Variants in DCC observed in about 807,000 individuals in gnomAD.
DCC encodes the protein DCC netrin 1 receptor.
DCC carries 58 observed loss-of-function variants against 172.5 expected under a neutral mutation model. The ratio of observed to expected loss-of-function variants is 0.34; its 90% confidence interval spans 0.27 to 0.42. The LOEUF (loss-of-function observed/expected upper bound fraction) is 0.42, where lower values mean the gene tolerates loss of function less well. DCC is among the 10% of genes least tolerant of loss of function. The pLI, the probability that DCC is intolerant of heterozygous loss-of-function variation, is 1.00. For synonymous variants in DCC, 709 were observed against 644.5 expected, an observed-to-expected ratio of 1.10 and a Z score of -1.52; for missense variants, 1,740 against 1,791.0, an observed-to-expected ratio of 0.97 and a Z score of 0.51.
chr18:53,274,029 A>G (rs1349484546), intron 12 of DCC, among the ~76,000 whole-genome samples: 2 of 152,140 alleles, frequency 1.3e-5, no homozygotes, highest in Non-Finnish European at 2.9e-5. Flanking sequence ...GCAGCAAGAT[A>G]CATTTAAAAG....
chr18:53,255,694 G>T (rs1353455235), intron 12 of DCC, among the ~76,000 whole-genome samples: 1 of 152,026 alleles, frequency 6.6e-6, no homozygotes, highest in Non-Finnish European at 1.5e-5. Context: ...TGTCTTTATA[G>T]CAGCATGTTT....
intron 1 of DCC, among the ~76,000 whole-genome samples, chr18:52,649,181 G>A (rs985209586): frequency 3.3e-5 from 5 of 152,066 alleles, no homozygotes; most frequent in African/African-American, 1.2e-4. Flanking sequence ...AGACCATACT[G>A]GCTAACACGG....
Position 52,802,636 on chromosome 18 carries a change from G to A in DCC, c.412+50262G>A, listed in dbSNP as rs369121078. On this transcript the variant is annotated intron_variant, in intron 2 of 28. Transcript: ENST00000442544. ...CGGAACCACAGGTACACATCACCAC[G>A]CCAAGCCTTTTTTTTTTTTTTTTTT... is the stretch of plus-strand genomic sequence containing the variant. 2.8e-4 allele frequency among the ~76,000 whole-genome samples: 27 copies of A among 96,278 alleles called. No individual in the cohort carries two copies. The East Asian group carries it at 7.7e-3, about 28-fold the overall frequency. The allele number at this position is 96,278 out of a possible 152,430, so 63.2% of individuals were successfully genotyped here.
chr18:53,425,043 A>T (rs1026517143), intron 21 of DCC, among the ~76,000 whole-genome samples: 2 of 151,864 alleles, frequency 1.3e-5, no homozygotes, highest in African/African-American at 2.4e-5. Context: ...AGAGAAAAGG[A>T]TGATGGGATG....
intron 12 of DCC, among the ~76,000 whole-genome samples, chr18:53,289,930 A>G (rs1444610202): frequency 6.6e-6 from 1 of 152,214 alleles, no homozygotes; most frequent in Non-Finnish European, 1.5e-5. Context: ...AATGGATTTT[A>G]GATTTGTGTG....
chr18:52,907,621 G>A (rs953227154), intron 3 of DCC, among the ~76,000 whole-genome samples: 2 of 152,032 alleles, frequency 1.3e-5, no homozygotes, highest in African/African-American at 4.8e-5. Flanking sequence ...TCATCCTATT[G>A]CCCAGGCTGG....
chr18:52,849,435 C>T (rs530862232), intron 2 of DCC, among the ~76,000 whole-genome samples: 2 of 152,288 alleles, frequency 1.3e-5, no homozygotes, highest in African/African-American at 2.4e-5. Flanking sequence ...TCTAACTCTA[C>T]AGGGAAAACT....
At chr18:52,797,781 A>G (rs866790817) in intron 2 of DCC, among the ~76,000 whole-genome samples, 74 of 152,320 alleles carry the variant, frequency 4.9e-4, no homozygotes, top group African/African-American at 1.7e-3. Context: ...TGGAACCCCC[A>G]GTGGTATATG....
At chr18:53,048,476 A>C (rs2042288562) in intron 5 of DCC, among the ~76,000 whole-genome samples, 1 of 144,230 alleles carries the variant, frequency 6.9e-6, no homozygotes, top group African/African-American at 2.6e-5. Context: ...ATGGCTGTGT[A>C]ATACTCCATG....
intron 1 of DCC, among the ~76,000 whole-genome samples, chr18:52,401,627 C>T (rs1488396802): frequency 6.6e-6 from 1 of 151,950 alleles, no homozygotes; most frequent in Non-Finnish European, 1.5e-5. Context: ...TTCTCAGGTG[C>T]ATTCATTTAT....
At chr18:53,476,650 T>A (rs2045766487) in intron 25 of DCC, among the ~76,000 whole-genome samples, 1 of 152,192 alleles carries the variant, frequency 6.6e-6, no homozygotes, top group Admixed American at 6.5e-5. Context: ...TGGGTATGTC[T>A]TTATCAGGAT....
At chr18:53,093,710 C>A (rs1173981579) in intron 7 of DCC, among the ~76,000 whole-genome samples, 1 of 152,190 alleles carries the variant, frequency 6.6e-6, no homozygotes, top group Non-Finnish European at 1.5e-5. Flanking sequence ...ATCACTGTTG[C>A]CAGCACAGGC....
rs79058389 is a variant in DCC, at chr18:53,214,970, A to G, written c.1862-578A>G. ...AAGAAAAATATACTGCTGCTTTGCT[A>G]ATAGAATTGACTCATCAAGTGCTAT... is the stretch of plus-strand genomic sequence containing the variant. On this transcript the variant is annotated intron_variant, in intron 11 of 28. Coordinates refer to ENST00000442544, the MANE Select transcript of DCC (RefSeq NM_005215.4). Among the ~76,000 whole-genome samples the G allele has an allele frequency of 6.6e-5, 10 of 152,320 alleles. No homozygotes were observed. In the East Asian group the frequency reaches 1.9e-3, roughly 29 times the overall value.
Position 52,381,206 on chromosome 18 carries a change from C to G in DCC, c.91+40328C>G, listed in dbSNP as rs1281265160. On this transcript the variant is annotated intron_variant, in intron 1 of 28. Coordinates refer to ENST00000442544, the MANE Select transcript of DCC (RefSeq NM_005215.4). ...AGTGATATCACTGTGAAATTATAAA[C>G]TGATTTTTGAAGACTGCACTTTGAT... is the stretch of plus-strand genomic sequence containing the variant. Among the ~76,000 whole-genome samples, 8 of 152,156 alleles carry G rather than the reference C, an allele frequency of 5.3e-5. No homozygotes were observed. In the East Asian group the frequency reaches 1.6e-3, roughly 30 times the overall value.
At chr18:53,216,341 A>G (rs1256882689) in intron 12 of DCC, among the ~76,000 whole-genome samples, 5 of 152,168 alleles carry the variant, frequency 3.3e-5, no homozygotes, top group African/African-American at 1.2e-4. Context: ...CCAGTTAGGT[A>G]CTTCTCATGT....
chr18:52,789,547 T>C (rs1037484877), intron 2 of DCC, among the ~76,000 whole-genome samples: 1 of 152,218 alleles, frequency 6.6e-6, no homozygotes, highest in African/African-American at 2.4e-5. Context: ...TACTCAACTT[T>C]AGCCACGCTA....
chr18:52,830,468 A>C (rs2038593780), intron 2 of DCC, among the ~76,000 whole-genome samples: 1 of 152,128 alleles, frequency 6.6e-6, no homozygotes, highest in Admixed American at 6.6e-5. Flanking sequence ...ATTTAATAGG[A>C]TCCCTCTGGC....
chr18:52,700,146 CCACACACACACACATGCACACG>C (rs2036084590), intron 1 of DCC, among the ~76,000 whole-genome samples: 2 of 151,542 alleles, frequency 1.3e-5, no homozygotes, highest in South Asian at 2.1e-4. Flanking sequence ...CTCTCTTGCC[CCACACACACACACATGCACACG>C]CACACACACA....
chr18:52,502,858 A>T (rs1197153742), intron 1 of DCC, among the ~76,000 whole-genome samples: 4 of 152,186 alleles, frequency 2.6e-5, no homozygotes, highest in African/African-American at 9.6e-5. Flanking sequence ...ATCGTGGGAG[A>T]ATTTCCAAAT....
Sources: allele counts gnomAD v4.1 joint callset (sites outside exome capture counted in the v4.1 genomes callset), GRCh38; gene constraint gnomAD v4.1.1; transcripts MANE v1.5; gene names NCBI Gene and HGNC (gene_info 2026-07-23, HGNC 2026-07-21).